TBC1D23: variants seen among roughly 807,000 people sequenced by gnomAD.
TBC1D23 encodes the protein TBC1 domain family member 23, also known as HCV non-structural protein 4A-transactivated protein 1.
Under a neutral mutation model 91.4 loss-of-function variants are expected in TBC1D23, and 55 were observed. The observed-to-expected ratio is 0.60, with a 90% CI of 0.48 to 0.75. TBC1D23 has a LOEUF of 0.75. Ranked by LOEUF, TBC1D23 falls within the 30% of genes least tolerant of loss-of-function variation. TBC1D23 has a pLI of 0.00. For synonymous variants in TBC1D23, 289 were observed against 281.0 expected, an observed-to-expected ratio of 1.03 and a Z score of -0.28; for missense variants, 725 against 836.1, an observed-to-expected ratio of 0.87 and a Z score of 1.64.
At chr3:100,313,337 G>T (rs947828545) in intron 15 of TBC1D23, among the ~76,000 whole-genome samples, 2 of 152,074 alleles carry the variant, frequency 1.3e-5, no homozygotes, top group Non-Finnish European at 2.9e-5. Flanking sequence ...AGAATCTAAT[G>T]AGAAGTTAGA....
At chr3:100,311,587 C>A (rs1322413711) in intron 14 of TBC1D23, among the ~76,000 whole-genome samples, 1 of 152,140 alleles carries the variant, frequency 6.6e-6, no homozygotes, top group Non-Finnish European at 1.5e-5. Flanking sequence ...TGAACATTTA[C>A]AATTTTATTT....
chr3:100,261,214 TGCCA>T, intron 1 of TBC1D23, 143 bp downstream of exon 1: 1 of 751,444 alleles, frequency 1.3e-6, no homozygotes, highest in Non-Finnish European at 2.2e-6. Flanking sequence ...CCTACCCCTC[TGCCA>T]GCTGGGTGCC....
chr3:100,274,935 G>A (rs369689004), intron 1 of TBC1D23, among the ~76,000 whole-genome samples: 33 of 142,352 alleles, frequency 2.3e-4, no homozygotes, highest in African/African-American at 6.9e-4. Context: ...CTCAGTGAAC[G>A]GACACTTGGG....
Position 100,283,677 on chromosome 3 carries a change from T to C in TBC1D23, c.342T>C (p.Tyr114=), listed in dbSNP as rs758598077. Residue 114 remains tyrosine (Y), a synonymous_variant, in exon 4 of 19, where the codon TAT becomes TAC. Transcript: ENST00000394144. ...ATATTGAATCTGTAATTACCTTTTA[T>C]TGTAAATCACGTAACATTAAATATA... is the stretch of plus-strand genomic sequence containing the variant. The part of the protein sequence containing the change: ...LLDIESVITF[Y]CKSRNIKYST... The C allele has an allele frequency of 1.9e-6, 3 of 1,612,862 alleles. No individual in the cohort carries two copies. The highest frequency in any genetic ancestry group is 1.1e-5 in the South Asian group (1 of 91,056).
chr3:100,314,571 T>TG (rs1283804640), intron 15 of TBC1D23, among the ~76,000 whole-genome samples: 6 of 152,100 alleles, frequency 3.9e-5, no homozygotes, highest in African/African-American at 1.4e-4. Flanking sequence ...TTCAAGACCA[T>TG]TCTGTGCAGC....
intron 15 of TBC1D23, among the ~76,000 whole-genome samples, chr3:100,312,449 A>T (rs1266848626): frequency 6.6e-6 from 1 of 152,170 alleles, no homozygotes; most frequent in Non-Finnish European, 1.5e-5. Flanking sequence ...AAAAAAAATT[A>T]CATTTTTTTC....
chr3:100,261,254 G>A, intron 1 of TBC1D23, 183 bp downstream of exon 1: 1 of 609,386 alleles, frequency 1.6e-6, no homozygotes, highest in Non-Finnish European at 2.9e-6. Flanking sequence ...TCTGCCCAAG[G>A]GACTGGGGCG....
chr3:100,271,225 G>A (rs1213558376), intron 1 of TBC1D23, among the ~76,000 whole-genome samples: 1 of 152,138 alleles, frequency 6.6e-6, no homozygotes, highest in East Asian at 1.9e-4. Flanking sequence ...AAGTGGGTTG[G>A]CAAGAGAGGG....
rs558147251 is a variant in TBC1D23, at chr3:100,324,518, G to A, written c.*850G>A. 9 of 152,154 alleles carry A rather than the reference G, an allele frequency of 5.9e-5. No homozygotes were observed. Among genetic ancestry groups the A allele is most frequent in the Non-Finnish European group, 1.0e-4 (7 of 68,008 alleles). The allele number at this position is 152,154 out of a possible 1,614,324, so 9.4% of individuals were successfully genotyped here. On this transcript the variant is annotated 3_prime_UTR_variant, in exon 19 of 19. Transcript: ENST00000394144. ...TTATCCTCATTGAGGATTATGGTCT[G>A]TGACCACAGTAATATCCACTTATAT...
chr3:100,318,035 G>A (rs1705784716), intron 16 of TBC1D23, among the ~76,000 whole-genome samples: 1 of 151,768 alleles, frequency 6.6e-6, no homozygotes, highest in South Asian at 2.1e-4. Context: ...TTAAAGCAAA[G>A]ACATGTATGG....
rs756494888 is a variant in TBC1D23, at chr3:100,320,976, G to A, written c.2018+5G>A. 6.3e-7 allele frequency: 1 copy of A among 1,579,800 alleles called. No homozygotes were observed. Among genetic ancestry groups the A allele is most frequent in the South Asian group, 1.2e-5 (1 of 86,392 alleles). On this transcript the variant is annotated splice_donor_5th_base_variant and intron_variant, in intron 18 of 18. Transcript: ENST00000394144. ...AGAAATCTTGGCAATCGAAAGGTAA[G>A]ATTTTCCTTAAGATAATATTATCTG...
intron 8 of TBC1D23, among the ~76,000 whole-genome samples, chr3:100,297,032 C>T (rs1025751449): frequency 6.6e-6 from 1 of 151,952 alleles, no homozygotes; most frequent in East Asian, 1.9e-4. Context: ...AGACAGATGC[C>T]TAATAAAGGA....
intron 1 of TBC1D23, chr3:100,267,394 A>ATGAC (rs1163510632): frequency 7.8e-6 from 2 of 257,002 alleles, no homozygotes; most frequent in East Asian, 2.3e-4. Context: ...TAAGAAAATG[A>ATGAC]TGACTAATAA....
At chr3:100,285,094 G>A (rs1336560588) in intron 4 of TBC1D23, among the ~76,000 whole-genome samples, 1 of 152,080 alleles carries the variant, frequency 6.6e-6, no homozygotes, top group Non-Finnish European at 1.5e-5. Flanking sequence ...ATCAACTGAA[G>A]CACTTTTTCT....
At chr3:100,308,268 G>C (rs1705550699) in intron 13 of TBC1D23, among the ~76,000 whole-genome samples, 1 of 152,172 alleles carries the variant, frequency 6.6e-6, no homozygotes, top group African/African-American at 2.4e-5. Flanking sequence ...GAGGTCAGGA[G>C]ATCAAGACCA....
In TBC1D23 at chr3:100,284,002, G is replaced by A. The variant is rs892454464; in HGVS notation, c.476+191G>A. On this transcript the variant is annotated intron_variant, in intron 4 of 18. Transcript: ENST00000394144. ...TTTAAAAGATTCTTTAGTTAAAAAT[G>A]TATACTTCTGAAACAGTGGTTATAC... 1.3e-5 allele frequency: 7 copies of A among 534,726 alleles called. 1 individual carries two copies. The South Asian group carries it at 1.7e-4, about 13-fold the overall frequency. The allele number at this position is 534,726 out of a possible 1,614,324, so 33.1% of individuals were successfully genotyped here.
Position 100,281,807 on chromosome 3 carries a change from A to G in TBC1D23, c.231A>G (p.Pro77=). ...LASWDGILDL[P]EQNTIHKDCL... The stretch of plus-strand genomic sequence containing the variant: ...CATGGGATGGTATTTTAGACTTGCC[A>G]GAACAGAACACTATTCACAAAGATT... Residue 77 remains proline, a synonymous_variant, in exon 3 of 19, where the codon CCA becomes CCG. Coordinates refer to ENST00000394144, the MANE Select transcript of TBC1D23 (RefSeq NM_001199198.3). The G allele has an allele frequency of 6.2e-7, 1 of 1,612,466 alleles. No homozygotes were observed. The highest frequency in any genetic ancestry group is 8.5e-7 in the Non-Finnish European group (1 of 1,178,978).
chr3:100,315,556 G>C (rs1438431486), intron 15 of TBC1D23, among the ~76,000 whole-genome samples: 1 of 152,134 alleles, frequency 6.6e-6, no homozygotes, highest in Non-Finnish European at 1.5e-5. Flanking sequence ...AAAATGTGAA[G>C]ATAACCCTTA....
At chr3:100,265,598 C>T (rs879205422) in intron 1 of TBC1D23, among the ~76,000 whole-genome samples, 4 of 151,968 alleles carry the variant, frequency 2.6e-5, no homozygotes, top group Admixed American at 2.6e-4. Flanking sequence ...TCTCATTTTC[C>T]GATACTTTCT....
Sources: allele counts gnomAD v4.1 joint callset (sites outside exome capture counted in the v4.1 genomes callset), GRCh38; gene constraint gnomAD v4.1.1; transcripts MANE v1.5; gene names NCBI Gene and HGNC (gene_info 2026-07-23, HGNC 2026-07-21).